The following BANK1 variants were observed in gnomAD, a reference collection of about 807,000 sequenced individuals.
BANK1 encodes the protein B-cell scaffold protein with ankyrin repeats.
In BANK1, 95 loss-of-function variants were observed where a neutral mutation model predicts 94.5. The ratio of observed to expected loss-of-function variants is 1.00; its 90% CI spans 0.85 to 1.19. The LOEUF (loss-of-function observed/expected upper bound fraction) is 1.19, where lower values mean the gene tolerates loss of function less well. BANK1 is among the 50% of genes most tolerant of loss of function. The pLI, the probability that BANK1 is intolerant of heterozygous loss-of-function variation, is 0.00. For synonymous variants in BANK1, 334 were observed against 308.4 expected (o/e 1.08, Z -0.87); for missense variants, 987 against 932.2 (o/e 1.06, Z -0.77).
intron 7 of BANK1, among the ~76,000 whole-genome samples, chr4:101,922,913 G>A (rs1365362760): frequency 6.6e-6 from 1 of 151,750 alleles, no homozygotes; most frequent in African/African-American, 2.4e-5. Context: ...CTCAGACCCA[G>A]TTTTGATGCC....
intron 5 of BANK1, among the ~76,000 whole-genome samples, chr4:101,882,713 A>C (rs1728722309): frequency 6.6e-6 from 1 of 152,202 alleles, no homozygotes. Flanking sequence ...AAGATGCTAG[A>C]ATATATTATC....
intron 10 of BANK1, among the ~76,000 whole-genome samples, chr4:102,043,072 T>C (rs1414140929): frequency 6.6e-6 from 1 of 152,074 alleles, no homozygotes; most frequent in Non-Finnish European, 1.5e-5. Flanking sequence ...CCAAACCCTG[T>C]AATTCACACT....
At chr4:101,853,714 A>G (rs925270653) in intron 2 of BANK1, among the ~76,000 whole-genome samples, 2 of 152,130 alleles carry the variant, frequency 1.3e-5, no homozygotes, top group East Asian at 3.9e-4. Context: ...TAACGGACCA[A>G]CTTTTCTGGT....
intron 7 of BANK1, among the ~76,000 whole-genome samples, chr4:101,983,390 G>A (rs1175806959): frequency 6.6e-6 from 1 of 152,028 alleles, no homozygotes; most frequent in East Asian, 1.9e-4. Flanking sequence ...TTACCACGTA[G>A]TAGCTGTTGT....
chr4:101,904,373 A>G (rs1482617247), intron 6 of BANK1, among the ~76,000 whole-genome samples: 2 of 152,194 alleles, frequency 1.3e-5, no homozygotes, highest in Non-Finnish European at 2.9e-5. Flanking sequence ...TGTTGGAGCT[A>G]TGTGCCCATT....
intron 11 of BANK1, among the ~76,000 whole-genome samples, chr4:102,058,709 A>AG (rs1560713607): frequency 6.6e-6 from 1 of 151,886 alleles, no homozygotes; most frequent in African/African-American, 2.4e-5. Flanking sequence ...TCTTAAAAAA[A>AG]AAAAAGGTAA....
At chr4:102,033,352 A>G (rs998298495) in intron 10 of BANK1, among the ~76,000 whole-genome samples, 2 of 152,204 alleles carry the variant, frequency 1.3e-5, no homozygotes, top group South Asian at 2.1e-4. Flanking sequence ...TAGGCTTTCA[A>G]CCCATCCCTA....
intron 7 of BANK1, among the ~76,000 whole-genome samples, chr4:101,997,116 T>G (rs984700013): frequency 6.6e-6 from 1 of 152,160 alleles, no homozygotes; most frequent in Admixed American, 6.5e-5. Context: ...CAATACCTAG[T>G]TTTTTGAGAG....
At chr4:101,815,697 TTAAG>T (rs1182895990) in intron 1 of BANK1, among the ~76,000 whole-genome samples, 3 of 152,116 alleles carry the variant, frequency 2.0e-5, no homozygotes, top group Non-Finnish European at 1.5e-5. Flanking sequence ...TTTAAATACT[TTAAG>T]TACTCTGTTA....
chr4:102,022,225 T>G (rs544929915), intron 8 of BANK1, among the ~76,000 whole-genome samples: 3 of 152,210 alleles, frequency 2.0e-5, no homozygotes, highest in South Asian at 4.1e-4. Flanking sequence ...CATCCAACAT[T>G]TTTGAAAGTT....
chr4:101,793,816 A>G (rs896078563), intron 1 of BANK1, among the ~76,000 whole-genome samples: 1 of 152,198 alleles, frequency 6.6e-6, no homozygotes, highest in East Asian at 1.9e-4. Flanking sequence ...TATAACAAAT[A>G]GTAACTGCTT....
chr4:102,010,154 A>G (rs569356654), intron 7 of BANK1, among the ~76,000 whole-genome samples: 36 of 151,720 alleles, frequency 2.4e-4, no homozygotes, highest in East Asian at 2.0e-3. Context: ...AGTCCCAGCT[A>G]CTCGGGAGGC....
chr4:102,066,766 AT>A (rs1728608775), intron 13 of BANK1, among the ~76,000 whole-genome samples: 1 of 152,218 alleles, frequency 6.6e-6, no homozygotes, highest in Non-Finnish European at 1.5e-5. Flanking sequence ...GGGAAAAAGA[AT>A]ACTGAAATTA....
At chr4:101,899,402 C>T (rs919538659) in intron 6 of BANK1, among the ~76,000 whole-genome samples, 6 of 152,020 alleles carry the variant, frequency 3.9e-5, no homozygotes, top group African/African-American at 1.4e-4. Flanking sequence ...GCTAATACAA[C>T]CCACAAGTAC....
intron 2 of BANK1, among the ~76,000 whole-genome samples, chr4:101,836,029 C>A (rs779529213): frequency 1.3e-4 from 20 of 152,206 alleles, no homozygotes; most frequent in South Asian, 4.1e-4. Flanking sequence ...AAATTCATGT[C>A]ATATCGTTTC....
chr4:101,878,739 A>G (rs1728576044), intron 5 of BANK1, among the ~76,000 whole-genome samples: 1 of 152,202 alleles, frequency 6.6e-6, no homozygotes, highest in Non-Finnish European at 1.5e-5. Context: ...AAAATTTGAG[A>G]TAGTATCAAA....
chr4:102,004,700 G>A (rs887989543), intron 7 of BANK1, among the ~76,000 whole-genome samples: 2 of 152,128 alleles, frequency 1.3e-5, no homozygotes, highest in African/African-American at 4.8e-5. Context: ...ATTTCAGAAA[G>A]TATGAGAGTT....
chr4:102,005,064 C>T (rs1726208721), intron 7 of BANK1, among the ~76,000 whole-genome samples: 3 of 151,736 alleles, frequency 2.0e-5, no homozygotes, highest in South Asian at 2.1e-4. Flanking sequence ...TTCTGTGGCA[C>T]GGCATTTAAA....
At chr4:102,006,951 G>A (rs1726279408) in intron 7 of BANK1, among the ~76,000 whole-genome samples, 1 of 147,388 alleles carries the variant, frequency 6.8e-6, no homozygotes, top group Non-Finnish European at 1.5e-5. Context: ...ATCTTTCTGT[G>A]GCCTGTATTT....
Sources: gnomAD v4.1 joint callset for allele counts (sites outside exome capture counted in the v4.1 genomes callset) on GRCh38, gnomAD v4.1.1 for gene constraint, MANE v1.5 for transcripts, NCBI Gene and HGNC (gene_info 2026-07-23, HGNC 2026-07-21) for gene names.